ZFYVE16: variants seen among roughly 807,000 people sequenced by gnomAD.
The protein encoded by ZFYVE16 is zinc finger FYVE-type containing 16.
In ZFYVE16, 89 loss-of-function variants were observed where a neutral mutation model predicts 138.1. The ratio of observed to expected loss-of-function variants is 0.64; its 90% CI spans 0.54 to 0.77. The LOEUF is 0.77. ZFYVE16 is among the 30% of genes least tolerant of loss of function. The pLI is 0.00. For missense variants in ZFYVE16, 1,793 were observed against 1,786.7 expected, an observed-to-expected ratio of 1.00 and a Z score of -0.06; for synonymous variants, 596 against 618.3, an observed-to-expected ratio of 0.96 and a Z score of 0.53.
In ZFYVE16 at chr5:80,456,559, C is replaced by T. The variant is rs993248308; in HGVS notation, c.3789C>T (p.Tyr1263=). 5 of 1,606,534 alleles carry T rather than the reference C, an allele frequency of 3.1e-6. No homozygotes were observed. Among genetic ancestry groups the T allele is most frequent in the Non-Finnish European group, 4.3e-6 (5 of 1,174,020 alleles). Residue 1263 remains tyrosine, a synonymous_variant, in exon 13 of 19, where the codon TAC becomes TAT. Transcript: ENST00000505560. The part of the protein sequence containing the change: ...KSCIKIPRKK[Y]SDVMKVLNSS... ...GCATAAAAATACCACGGAAAAAGTA[C>T]AGTGATGTAAGTATAATTGTTTTAT...
rs896305143 is a variant in ZFYVE16 at position 80,422,020 on chromosome 5, T to G, written c.-93-5472T>G. ...TTGAAGAGGTCCTTCACATCCCTTG[T>G]AAGTTGAATTCCTAGGTATTTTATT... On this transcript the variant is annotated intron_variant, in intron 1 of 18. Coordinates refer to ENST00000505560, the MANE Select transcript of ZFYVE16 (RefSeq NM_001284236.3). Among the ~76,000 whole-genome samples, 30 of 152,352 alleles carry G rather than the reference T, an allele frequency of 2.0e-4. 1 individual carries two copies. Among genetic ancestry groups the G allele is most frequent in the African/African-American group, 6.5e-4 (27 of 41,588 alleles).
At chr5:80,469,739 T>G (rs1025624055) in intron 15 of ZFYVE16, among the ~76,000 whole-genome samples, 1 of 152,132 alleles carries the variant, frequency 6.6e-6, no homozygotes, top group Non-Finnish European at 1.5e-5. Context: ...GCTCATTTTT[T>G]CTTCAATGTT....
intron 5 of ZFYVE16, 103 bp from the exon 6 acceptor site, chr5:80,443,020 C>G: frequency 4.3e-6 from 5 of 1,170,800 alleles, no homozygotes; most frequent in Non-Finnish European, 5.8e-6. Context: ...CCATTTCTTT[C>G]TTTCTCCTTA....
chr5:80,443,199 C>G lies in ZFYVE16; in HGVS notation c.2496C>G (p.Val832=), dbSNP rs748057277. 6.2e-7 allele frequency: 1 copy of G among 1,609,588 alleles called. No individual in the cohort carries two copies. Among genetic ancestry groups the G allele is most frequent in the Non-Finnish European group, 8.5e-7 (1 of 1,178,976 alleles). ...ATCATTCTGATGAATGTACTACTGT[C>G]CAGCCTCCTCAGGAGAACCAAACAT... ...KSNHSDECTT[V]QPPQENQTSS... The change falls in exon 6 of 19, where the codon GTC becomes GTG. Residue 832 remains valine, a synonymous_variant. Coordinates refer to ENST00000505560, the MANE Select transcript of ZFYVE16 (RefSeq NM_001284236.3).
Position 80,437,686 on chromosome 5 carries a change from A to G in ZFYVE16, c.1001A>G (p.Asp334Gly), listed in dbSNP as rs377457110. 2 of 1,613,422 alleles carry G rather than the reference A, an allele frequency of 1.2e-6. No homozygotes were observed. Among genetic ancestry groups the G allele is most frequent in the South Asian group, 2.2e-5 (2 of 91,008 alleles). ...TTACCTGACTTTTCCTTTCAGGAAG[A>G]TAAGACTGTTATAAAACAATCTGCA... ...FKLPDFSFQE[D>G]KTVIKQSAQE... Residue 334 changes from aspartate to glycine, a missense_variant, in exon 4 of 19, where the codon GAT becomes GGT. Physicochemically the swap from Asp to Gly is moderately conservative, Grantham distance 94. Around this residue, in one of 2 missense-constraint regions of ZFYVE16, gnomAD observed 1,295 missense variants for 1,204.3 expected, o/e 1.08. Coordinates refer to ENST00000505560, the MANE Select transcript of ZFYVE16 (RefSeq NM_001284236.3).
In ZFYVE16 at chr5:80,437,783, T is replaced by G; in HGVS notation, c.1098T>G (p.Val366=). Reference sequence around the variant, plus strand: ...AAGATTCCTCTTCAGCTTTACATGTTTCCAGTAAAGATGTGCCGTCCTCAT... The same window carrying G: ...AAGATTCCTCTTCAGCTTTACATGTGTCCAGTAAAGATGTGCCGTCCTCAT... ...VIQDSSSALH[V]SSKDVPSSLS... The change falls in exon 4 of 19, where the codon GTT becomes GTG. Residue 366 remains valine (V), a synonymous_variant. Coordinates refer to ENST00000505560, the MANE Select transcript of ZFYVE16 (RefSeq NM_001284236.3). The G allele has an allele frequency of 6.2e-7, 1 of 1,614,086 alleles. No individual in the cohort carries two copies. The highest frequency in any genetic ancestry group is 1.3e-5 in the African/African-American group (1 of 75,064).
chr5:80,441,571 G>T (rs1750714889), intron 5 of ZFYVE16: 1 of 985,208 alleles, frequency 1.0e-6, no homozygotes, highest in Non-Finnish European at 1.2e-6. Flanking sequence ...GAGAAAGACG[G>T]TTCATGGGTT....
chr5:80,465,868 G>A (rs1753695493), intron 15 of ZFYVE16, among the ~76,000 whole-genome samples: 1 of 151,630 alleles, frequency 6.6e-6, no homozygotes, highest in Non-Finnish European at 1.5e-5. Flanking sequence ...AGTATACTTG[G>A]AATTCTCTGT....
intron 18 of ZFYVE16, among the ~76,000 whole-genome samples, chr5:80,475,593 T>C (rs932969426): frequency 4.6e-5 from 7 of 152,234 alleles, no homozygotes; most frequent in Admixed American, 4.6e-4. Flanking sequence ...AATAAGTGTG[T>C]GTCCTCCTTT....
At chr5:80,470,103 T>TA (rs1561333097) in intron 15 of ZFYVE16, among the ~76,000 whole-genome samples, 5 of 28,728 alleles carry the variant, frequency 1.7e-4, no homozygotes, top group African/African-American at 3.2e-4. Context: ...GTGTGTGTAT[T>TA]TTTTTTTTTT....
rs771409791 is a variant in ZFYVE16 at position 80,436,978 on chromosome 5, C to T, written c.293C>T (p.Thr98Ile). The T allele has an allele frequency of 3.7e-6, 6 of 1,613,982 alleles. No homozygotes were observed. The Admixed American group carries it at 5.0e-5, about 13-fold the overall frequency. ...LTSIQNEKNV[T>I]GLDLLSSVDG... ...TCTATACAAAATGAAAAAAATGTAA[C>T]AGGACTTGATCTTCTTTCTTCTGTG... The change falls in exon 4 of 19, where the codon ACA becomes ATA. Residue 98 changes from threonine to isoleucine, a missense_variant. By Grantham distance (89) the Thr-to-Ile change is moderately conservative. This residue lies in a region of ZFYVE16 where 1,295 missense variants were observed against 1,204.3 expected (regional missense o/e 1.08). Transcript: ENST00000505560.
chr5:80,424,070 C>T (rs529724611), intron 1 of ZFYVE16, among the ~76,000 whole-genome samples: 10 of 151,036 alleles, frequency 6.6e-5, no homozygotes, highest in Admixed American at 2.6e-4. Context: ...CTCAGCCTCC[C>T]GAGTAGCTGA....
intron 1 of ZFYVE16, among the ~76,000 whole-genome samples, chr5:80,413,423 A>G (rs1171198072): frequency 6.7e-6 from 1 of 148,978 alleles, no homozygotes; most frequent in Non-Finnish European, 1.5e-5. Context: ...GTGAGCTGAG[A>G]TCGCGATATT....
intron 5 of ZFYVE16, chr5:80,441,128 T>A: frequency 2.0e-6 from 2 of 985,504 alleles, no homozygotes; most frequent in Non-Finnish European, 2.4e-6. Context: ...CTGCTGGTGC[T>A]GTTAGCCAAG....
chr5:80,420,865 C>T (rs544512881), intron 1 of ZFYVE16, among the ~76,000 whole-genome samples: 74 of 152,316 alleles, frequency 4.9e-4, no homozygotes, highest in East Asian at 2.3e-3. Context: ...CCTAAGGAAT[C>T]GCCACGCTGT....
intron 11 of ZFYVE16, 44 bp from the exon 12 acceptor site, chr5:80,455,648 G>A (rs998410098): frequency 2.1e-6 from 3 of 1,461,454 alleles, no homozygotes; most frequent in Non-Finnish European, 2.9e-6. Context: ...ATAATTTGGG[G>A]TTTTTTTTGT....
At chr5:80,429,294 A>AT (rs1748619487) in intron 2 of ZFYVE16, among the ~76,000 whole-genome samples, 1 of 152,224 alleles carries the variant, frequency 6.6e-6, no homozygotes, top group Non-Finnish European at 1.5e-5. Flanking sequence ...GGGGGCCAAT[A>AT]TCAACATTCT....
Position 80,438,743 on chromosome 5 carries a change from A to C in ZFYVE16, c.2058A>C (p.Pro686=), listed in dbSNP as rs1213622301. The C allele has an allele frequency of 6.2e-7, 1 of 1,614,156 alleles. No homozygotes were observed. The highest frequency in any genetic ancestry group is 1.7e-5 in the Admixed American group (1 of 60,018). Residue 686 remains proline (P), a synonymous_variant, in exon 4 of 19, where the codon CCA becomes CCC. Transcript: ENST00000505560. Reference sequence around the variant, plus strand: ...CCAGCACAGCAGATACCGTTGTTCCAATCACTTGTGCTATAGATTCTACAG... The same window carrying C: ...CCAGCACAGCAGATACCGTTGTTCCCATCACTTGTGCTATAGATTCTACAG... ...SEPSTADTVV[P]ITCAIDSTAD...
intron 2 of ZFYVE16, among the ~76,000 whole-genome samples, chr5:80,431,869 A>G (rs1452144026): frequency 1.3e-5 from 2 of 152,218 alleles, no homozygotes; most frequent in African/African-American, 2.4e-5. Context: ...TAGGAATCCA[A>G]CTTACAAGGG....
Sources: allele counts gnomAD v4.1 joint callset (sites outside exome capture counted in the v4.1 genomes callset), GRCh38; gene constraint gnomAD v4.1.1; regional missense constraint gnomAD v4.1.1; transcripts MANE v1.5; gene names NCBI Gene and HGNC (gene_info 2026-07-23, HGNC 2026-07-21).